The following SLC15A2 variants were observed in gnomAD, a reference collection of about 807,000 sequenced individuals.
SLC15A2 encodes solute carrier family 15 member 2.
SLC15A2 carries 77 observed loss-of-function variants against 95.5 expected under a neutral mutation model. The ratio of observed to expected loss-of-function variants is 0.81; its 90% CI spans 0.67 to 0.97. The LOEUF is 0.97. Among genes scored for constraint, SLC15A2 ranks in the 50% least tolerant of loss-of-function variants. The pLI is 0.00. For synonymous variants in SLC15A2, 306 were observed against 306.9 expected (o/e 1.00, Z 0.03); for missense variants, 893 against 874.4 (o/e 1.02, Z -0.27).
chr3:121,943,382 C>T lies in SLC15A2; in HGVS notation c.*2375C>T, dbSNP rs1001579143. ...ATCAAGTATTCAAGGTAAAGATTCTCGGTTCCTGTAATGGTTCCTCACCAG... is the reference window on the plus strand; with the variant it reads ...ATCAAGTATTCAAGGTAAAGATTCTTGGTTCCTGTAATGGTTCCTCACCAG... On this transcript the variant is annotated 3_prime_UTR_variant, in exon 22 of 22. Transcript: ENST00000489711. 4 of 152,204 alleles carry T rather than the reference C, an allele frequency of 2.6e-5. No homozygotes were observed. Among genetic ancestry groups the T allele is most frequent in the Admixed American group, 6.5e-5 (1 of 15,286 alleles). The allele number at this position is 152,204 out of a possible 1,614,324, so 9.4% of individuals were successfully genotyped here. A position where few individuals can be genotyped will look rare whatever the true frequency, so the allele number is the denominator to read the frequency against.
intron 7 of SLC15A2, among the ~76,000 whole-genome samples, chr3:121,916,411 C>G (rs536508276): frequency 6.6e-6 from 1 of 152,108 alleles, no homozygotes; most frequent in African/African-American, 2.4e-5. Context: ...CAGAGTGACA[C>G]CCCCTTGGAA....
chr3:121,909,653 A>G (rs1365731284), intron 3 of SLC15A2, among the ~76,000 whole-genome samples: 1 of 151,750 alleles, frequency 6.6e-6, no homozygotes, highest in Non-Finnish European at 1.5e-5. Context: ...TTGTTTTTTT[A>G]ATCTATAAGT....
intron 14 of SLC15A2, 44 bp from the exon 15 acceptor site, chr3:121,928,377 A>G (rs1231436043): frequency 6.2e-7 from 1 of 1,601,970 alleles, no homozygotes. Context: ...TTGTATCTGA[A>G]GGATTATTTG....
chr3:121,931,658 A>G lies in SLC15A2; in HGVS notation c.1684A>G (p.Arg562Gly). The change falls in exon 19 of 22, where the codon AGA becomes GGA. Residue 562 changes from arginine to glycine, a missense_variant. Transcript: ENST00000489711. Reference protein sequence around the residue: ...QRGEYPAVHCRTEDKNFSLNL... With the variant: ...QRGEYPAVHCGTEDKNFSLNL... ...TTCCAGATACCCTGCAGTGCACTGT[A>G]GAACAGAAGATAAGAACTTTTCTCT... The G allele has an allele frequency of 6.2e-7, 1 of 1,612,348 alleles. No homozygotes were observed. The highest frequency in any genetic ancestry group is 8.5e-7 in the Non-Finnish European group (1 of 1,178,426).
Position 121,915,247 on chromosome 3 carries a change from C to A in SLC15A2, c.549C>A (p.Tyr183Ter). ...TTCAGGCAGAGGAACGGACTAGATA[C>A]TTCTCAGTCTTCTACCTGTCCATCA... ...EEKHAEERTR[Y>*]FSVFYLSINA... The change falls in exon 6 of 22, where the codon TAC becomes TAA. Residue 183 changes from tyrosine (Y) to a stop codon, truncating the protein, a stop_gained. Transcript: ENST00000489711. LOFTEE classifies it high-confidence loss of function. The A allele has an allele frequency of 6.2e-7, 1 of 1,613,474 alleles. No individual in the cohort carries two copies. The highest frequency in any genetic ancestry group is 8.5e-7 in the Non-Finnish European group (1 of 1,179,424).
In SLC15A2 at chr3:121,922,258, C is replaced by A. The variant is rs372046886; in HGVS notation, c.736C>A (p.Pro246Thr). ...GGGAAGCAAAATATACAATAAACCA[C>A]CCCCTGAAGGAAACATAGTGGCTCA... is the stretch of plus-strand genomic sequence containing the variant. The part of the protein sequence containing the change: ...AMGSKIYNKP[P>T]PEGNIVAQVF... The change falls in exon 8 of 22, where the codon CCC becomes ACC. Residue 246 changes from proline (P) to threonine (T), a missense_variant. Pro to Thr is a conservative substitution (Grantham distance 38, BLOSUM62 -1). Transcript: ENST00000489711. 5 of 1,613,724 alleles carry A rather than the reference C, an allele frequency of 3.1e-6. No individual in the cohort carries two copies. The African/African-American group carries it at 4.0e-5, about 13-fold the overall frequency.
intron 19 of SLC15A2, among the ~76,000 whole-genome samples, chr3:121,934,398 T>A (rs1258884680): frequency 6.6e-6 from 1 of 152,128 alleles, no homozygotes; most frequent in Non-Finnish European, 1.5e-5. Flanking sequence ...CCCATGAGCA[T>A]GGAATGTTCT....
chr3:121,931,227 T>C (rs980952064), intron 18 of SLC15A2, among the ~76,000 whole-genome samples: 2 of 152,208 alleles, frequency 1.3e-5, no homozygotes, highest in Non-Finnish European at 2.9e-5. Context: ...TCTCAAAGTT[T>C]ATTATTGGTT....
intron 1 of SLC15A2, chr3:121,895,505 T>A (rs567526896): frequency 3.3e-5 from 5 of 152,182 alleles, no homozygotes; most frequent in African/African-American, 1.2e-4. Flanking sequence ...ATTTTGCCTA[T>A]TTTTTTAGTT....
chr3:121,898,900 A>G (rs1232646144), intron 3 of SLC15A2, among the ~76,000 whole-genome samples: 5 of 152,192 alleles, frequency 3.3e-5, no homozygotes, highest in Non-Finnish European at 2.9e-5. Flanking sequence ...ATATATATCT[A>G]TAGACATAAC....
intron 5 of SLC15A2, among the ~76,000 whole-genome samples, chr3:121,914,016 C>A (rs964865220): frequency 6.6e-6 from 1 of 151,724 alleles, no homozygotes. Context: ...TGCCTATTAT[C>A]TCCTTCTGCC....
intron 5 of SLC15A2, among the ~76,000 whole-genome samples, chr3:121,913,516 T>C (rs967660765): frequency 6.6e-6 from 1 of 152,172 alleles, no homozygotes; most frequent in Non-Finnish European, 1.5e-5. Context: ...CAATTGGAAG[T>C]AGTAAGTTTA....
At chr3:121,917,456 A>AGCTC (rs1265995024) in intron 7 of SLC15A2, among the ~76,000 whole-genome samples, 1 of 152,178 alleles carries the variant, frequency 6.6e-6, no homozygotes, top group Non-Finnish European at 1.5e-5. Context: ...TGGGAGGCCG[A>AGCTC]GGCAGGAGGA....
Position 121,897,290 on chromosome 3 carries a change from A to C in SLC15A2, c.194-98A>C, listed in dbSNP as rs975723345. ...TAGGAGTGCTGAAGGCCAAAATCAC[A>C]TTATAAAGACCAGAGATTAAATATT... is the stretch of plus-strand genomic sequence containing the variant. On this transcript the variant is annotated intron_variant, in intron 2 of 21. Transcript: ENST00000489711. 3 of 1,465,442 alleles carry C rather than the reference A, an allele frequency of 2.0e-6. No homozygotes were observed. The African/African-American group carries it at 4.2e-5, about 21-fold the overall frequency. 90.8% of individuals were successfully genotyped at this position (1,465,442 alleles called of 1,614,324 possible).
Position 121,940,484 on chromosome 3 carries a change from T to C in SLC15A2, c.2009T>C (p.Val670Ala), listed in dbSNP as rs759512879. Reference sequence around the variant, plus strand: ...GTTGTGGCACAGTTCAGTGGCCTGGTACAGGTATGGATCTGAGGGAAGCAG... The same window carrying C: ...GTTGTGGCACAGTTCAGTGGCCTGGCACAGGTATGGATCTGAGGGAAGCAG... Reference protein sequence around the residue: ...VLVVAQFSGLVQWAEFILFSC... With the variant: ...VLVVAQFSGLAQWAEFILFSC... The change falls in exon 21 of 22, where the codon GTA (valine) becomes GCA (alanine). Residue 670 changes from valine to alanine, a missense_variant. Val to Ala is a moderately conservative substitution (Grantham distance 64). Coordinates refer to ENST00000489711, the MANE Select transcript of SLC15A2 (RefSeq NM_021082.4). 1 of 1,611,960 alleles carries C rather than the reference T, an allele frequency of 6.2e-7. No homozygotes were observed. Among genetic ancestry groups the C allele is most frequent in the East Asian group, 2.2e-5 (1 of 44,856 alleles).
chr3:121,904,255 G>C (rs1052116782), intron 3 of SLC15A2, among the ~76,000 whole-genome samples: 5 of 152,164 alleles, frequency 3.3e-5, no homozygotes, highest in Non-Finnish European at 4.4e-5. Context: ...TTTGGGCTGA[G>C]ACAGTGGGGT....
In SLC15A2 at chr3:121,941,974, A is replaced by G. The variant is rs1290891901; in HGVS notation, c.*967A>G. On this transcript the variant is annotated 3_prime_UTR_variant, in exon 22 of 22. Transcript: ENST00000489711. Reference sequence around the variant, plus strand: ...TGTTTCTATAAGTCCAACTTCCTTTATTAATGTTTCCATTTAGCCTCAAAA... The same window carrying G: ...TGTTTCTATAAGTCCAACTTCCTTTGTTAATGTTTCCATTTAGCCTCAAAA... 2 of 152,180 alleles carry G rather than the reference A, an allele frequency of 1.3e-5. No individual in the cohort carries two copies. Among genetic ancestry groups the G allele is most frequent in the Non-Finnish European group, 2.9e-5 (2 of 68,030 alleles). 9.4% of individuals were successfully genotyped at this position (152,180 alleles called of 1,614,324 possible). A position where few individuals can be genotyped will look rare whatever the true frequency, so the allele number is the denominator to read the frequency against.
rs1049147782 is a variant in SLC15A2, at chr3:121,913,170, T to C, written c.528+50T>C. 73 of 1,382,988 alleles carry C rather than the reference T, an allele frequency of 5.3e-5. No individual in the cohort carries two copies. The East Asian group carries it at 1.7e-3, about 31-fold the overall frequency. The allele number at this position is 1,382,988 out of a possible 1,614,324, so 85.7% of individuals were successfully genotyped here. On this transcript the variant is annotated intron_variant, in intron 5 of 21. Transcript: ENST00000489711. ...TTCAAGAATATAGAGCCAGCATTAATGGGGGTATCTGGCAGGTAGCCATTT... is the reference window on the plus strand; with the variant it reads ...TTCAAGAATATAGAGCCAGCATTAACGGGGGTATCTGGCAGGTAGCCATTT...
chr3:121,908,598 C>T (rs533684240), intron 3 of SLC15A2, among the ~76,000 whole-genome samples: 3 of 152,304 alleles, frequency 2.0e-5, no homozygotes, highest in Non-Finnish European at 2.9e-5. Flanking sequence ...TTTCTCTCTC[C>T]TCTTTTTTGT....
Sources: gnomAD v4.1 joint callset for allele counts (sites outside exome capture counted in the v4.1 genomes callset) on GRCh38, gnomAD v4.1.1 for gene constraint, MANE v1.5 for transcripts, NCBI Gene and HGNC (gene_info 2026-07-23, HGNC 2026-07-21) for gene names.